Variants in GOLGA4 observed in about 807,000 individuals in gnomAD.
GOLGA4 encodes golgin subfamily A member 4.
In GOLGA4, 169 loss-of-function variants were observed where a neutral mutation model predicts 265.9. The observed-to-expected ratio is 0.64, with a 90% confidence interval of 0.56 to 0.72. The LOEUF is 0.72. Ranked by LOEUF, GOLGA4 falls within the 30% of genes least tolerant of loss-of-function variation. The probability of loss-of-function intolerance (pLI) is 0.00; values close to 1 mark genes in which losing one functional copy is unlikely to be tolerated. For synonymous variants in GOLGA4, 923 were observed against 855.8 expected (o/e 1.08, Z -1.37); for missense variants, 2,482 against 2,483.4 (o/e 1.00, Z 0.01).
chr3:37,271,193 CCTAACAGG>C (rs2096797750), intron 2 of GOLGA4, among the ~76,000 whole-genome samples: 1 of 152,160 alleles, frequency 6.6e-6, no homozygotes, highest in South Asian at 2.1e-4. Flanking sequence ...TGGCCCCGTT[CCTAACAGG>C]CTATGAGTTG....
intron 16 of GOLGA4, among the ~76,000 whole-genome samples, chr3:37,330,474 A>G (rs2096986392): frequency 6.6e-6 from 1 of 152,168 alleles, no homozygotes; most frequent in African/African-American, 2.4e-5. Context: ...GGGGTAGCAG[A>G]TGGTAGACTT....
At position 37,276,300 on chromosome 3, in the gene GOLGA4, A is replaced by G. The variant is rs528587840; in HGVS notation, c.163-5658A>G. The G allele has an allele frequency of 5.0e-4, 803 of 1,598,600 alleles. 4 individuals are homozygous for G. Among genetic ancestry groups the G allele is most frequent in the East Asian group, 3.8e-3 (172 of 44,794 alleles). On this transcript the variant is annotated intron_variant, in intron 2 of 23. Coordinates refer to ENST00000361924, the MANE Select transcript of GOLGA4 (RefSeq NM_002078.5). Reference sequence around the variant, plus strand: ...ATATCAAATCTTAAAGATGCAAAAAATCCAAATTTAAGGAAAAATGTCCTC... The same window carrying G: ...ATATCAAATCTTAAAGATGCAAAAAGTCCAAATTTAAGGAAAAATGTCCTC...
rs2097012800 is a variant in GOLGA4, at chr3:37,336,402, GA to G, written c.6307-738del. Reference sequence around the variant, plus strand: ...TTGTGTCAGGATGCCATAGAATATTGAAACATTATGAAATAAGAAGGACTTC... The same window carrying G: ...TTGTGTCAGGATGCCATAGAATATTGAACATTATGAAATAAGAAGGACTTC... On this transcript the variant is annotated intron_variant, in intron 17 of 23. Coordinates refer to ENST00000361924, the MANE Select transcript of GOLGA4 (RefSeq NM_002078.5). Among the ~76,000 whole-genome samples, 4 of 151,970 alleles carry G rather than the reference GA, an allele frequency of 2.6e-5. No homozygotes were observed. In the South Asian group the frequency reaches 6.2e-4, roughly 24 times the overall value.
At chr3:37,355,244 G>A (rs1379302632) in intron 22 of GOLGA4, 57 bp downstream of exon 22, 6 of 902,170 alleles carry the variant, frequency 6.7e-6, no homozygotes, top group Non-Finnish European at 1.1e-5. Flanking sequence ...TTTATATTCT[G>A]TCTCATTTAT....
In GOLGA4 at chr3:37,321,851, C is replaced by A; in HGVS notation, c.1666C>A (p.Arg556=). Residue 556 remains arginine, a synonymous_variant, in exon 13 of 24, where the codon CGG becomes AGG. Transcript: ENST00000361924. ...AILTESENKL[R]DLQQEAETYR... is the part of the protein sequence containing the mutation. The stretch of plus-strand genomic sequence containing the variant: ...CCTCACAGAAAGTGAAAATAAACTT[C>A]GGGACCTTCAGCAAGAAGCAGAGAC... 2 of 1,611,898 alleles carry A rather than the reference C, an allele frequency of 1.2e-6. No homozygotes were observed. The highest frequency in any genetic ancestry group is 2.2e-5 in the South Asian group (2 of 90,608).
At chr3:37,288,616 A>G (rs1047198996) in intron 4 of GOLGA4, among the ~76,000 whole-genome samples, 1 of 151,640 alleles carries the variant, frequency 6.6e-6, no homozygotes, top group Non-Finnish European at 1.5e-5. Flanking sequence ...AGCTGGGACT[A>G]CAGGCGCCTG....
At chr3:37,245,665 G>GCTTAA (rs1417117527) in intron 1 of GOLGA4, among the ~76,000 whole-genome samples, 3 of 152,072 alleles carry the variant, frequency 2.0e-5, no homozygotes, top group African/African-American at 7.2e-5. Context: ...TGTTTCTATA[G>GCTTAA]CTTAATGCTT....
At position 37,325,828 on chromosome 3, in the gene GOLGA4, A is replaced by G; in HGVS notation, c.3942A>G (p.Glu1314=). 1.2e-6 allele frequency: 2 copies of G among 1,613,340 alleles called. No individual in the cohort carries two copies. Among genetic ancestry groups the G allele is most frequent in the Non-Finnish European group, 1.7e-6 (2 of 1,179,442 alleles). ...TTAAGAGCATGAAGGCTGATATTGA[A>G]AGTCTTGTAACAGAAAAAGAAGCCT... is the stretch of plus-strand genomic sequence containing the variant. ...NQIKSMKADI[E]SLVTEKEALQ... is the part of the protein sequence containing the mutation. Residue 1314 remains glutamate (E), a synonymous_variant, in exon 14 of 24, where the codon GAA becomes GAG. Transcript: ENST00000361924.
At chr3:37,275,215 C>CA (rs749758741) in intron 2 of GOLGA4, among the ~76,000 whole-genome samples, 3,610 of 44,738 alleles carry the variant, frequency 0.081, 420 homozygotes, top group East Asian at 0.18. Context: ...GACTCCGTCT[C>CA]AAAAAAAAAA....
intron 16 of GOLGA4, among the ~76,000 whole-genome samples, chr3:37,329,781 T>C (rs531150356): frequency 1.3e-5 from 2 of 152,326 alleles, no homozygotes; most frequent in East Asian, 3.9e-4. Context: ...GGACTAACAT[T>C]TGAAAATGTT....
chr3:37,292,152 G>A (rs867837578), intron 5 of GOLGA4, among the ~76,000 whole-genome samples: 10 of 152,226 alleles, frequency 6.6e-5, no homozygotes, highest in African/African-American at 2.2e-4. Flanking sequence ...TATAAATCGA[G>A]GAGTGTTTTT....
At chr3:37,354,483 A>G (rs1450712936) in intron 21 of GOLGA4, among the ~76,000 whole-genome samples, 3 of 152,046 alleles carry the variant, frequency 2.0e-5, no homozygotes, top group Non-Finnish European at 4.4e-5. Flanking sequence ...GACTTACGGT[A>G]TATTTATTTA....
chr3:37,273,581 A>G, intron 2 of GOLGA4: 1 of 1,500,432 alleles, frequency 6.7e-7, no homozygotes, highest in South Asian at 1.2e-5. Context: ...TGTTAATGGA[A>G]GTGAACCAAG....
At chr3:37,244,349 G>A (rs966258980) in intron 1 of GOLGA4, among the ~76,000 whole-genome samples, 9 of 152,214 alleles carry the variant, frequency 5.9e-5, no homozygotes, top group African/African-American at 2.2e-4. Context: ...GCTGCTCTGC[G>A]GACAGGGTTA....
chr3:37,323,888 A>G lies in GOLGA4; in HGVS notation c.2002A>G (p.Ile668Val). The change falls in exon 14 of 24, where the codon ATA becomes GTA. Residue 668 changes from isoleucine to valine, a missense_variant. Coordinates refer to ENST00000361924, the MANE Select transcript of GOLGA4 (RefSeq NM_002078.5). ...CAAAGAGATTATCTTCCAGGCCCAC[A>G]TAGAAGAAATGAATGAAAAGACTTT... ...KDKEIIFQAH[I>V]EEMNEKTLEK... 3 of 1,613,448 alleles carry G rather than the reference A, an allele frequency of 1.9e-6. No individual in the cohort carries two copies. Among genetic ancestry groups the G allele is most frequent in the Non-Finnish European group, 1.7e-6 (2 of 1,179,646 alleles).
At chr3:37,332,343 G>T (rs79301031) in intron 16 of GOLGA4, among the ~76,000 whole-genome samples, 28 of 152,182 alleles carry the variant, frequency 1.8e-4, no homozygotes, top group African/African-American at 6.5e-4. Flanking sequence ...CGGGGCAGCG[G>T]GGGTGGTGTG....
chr3:37,286,293 AC>A (rs2096849134), intron 4 of GOLGA4, among the ~76,000 whole-genome samples: 1 of 150,294 alleles, frequency 6.7e-6, no homozygotes, highest in Non-Finnish European at 1.5e-5. Context: ...AGCTGGGACT[AC>A]AGGCGCCCGC....
At chr3:37,318,832 G>A (rs2096945544) in intron 11 of GOLGA4, among the ~76,000 whole-genome samples, 1 of 152,130 alleles carries the variant, frequency 6.6e-6, no homozygotes, top group Non-Finnish European at 1.5e-5. Context: ...GGAGTCTATT[G>A]TAGCAGTAGC....
intron 2 of GOLGA4, among the ~76,000 whole-genome samples, chr3:37,254,529 T>A (rs1452241011): frequency 1.3e-5 from 2 of 150,496 alleles, no homozygotes; most frequent in Non-Finnish European, 2.9e-5. Context: ...ATTAAACAAT[T>A]GTTTAATTGT....
Sources: gnomAD v4.1 joint callset for allele counts (sites outside exome capture counted in the v4.1 genomes callset) on GRCh38, gnomAD v4.1.1 for gene constraint, MANE v1.5 for transcripts, NCBI Gene and HGNC (gene_info 2026-07-23, HGNC 2026-07-21) for gene names.